Variants in NAV2 observed in about 807,000 individuals in gnomAD.
The protein encoded by NAV2 is neuron navigator 2.
A neutral mutation model predicts 223.2 loss-of-function variants in NAV2; 54 were observed. That is an observed-to-expected ratio of 0.24 (90% confidence interval 0.19 to 0.30). The LOEUF is 0.30. NAV2 is among the 10% of genes least tolerant of loss of function. The probability of loss-of-function intolerance (pLI) is 1.00; values close to 1 mark genes in which losing one functional copy is unlikely to be tolerated. For missense variants in NAV2, 2,806 were observed against 3,147.5 expected, an observed-to-expected ratio of 0.89 and a Z score of 2.60; for synonymous variants, 1,279 against 1,239.3, an observed-to-expected ratio of 1.03 and a Z score of -0.67.
At chr11:19,844,388 C>G (rs894556) in intron 3 of NAV2, among the ~76,000 whole-genome samples, 85,991 of 152,034 alleles carry the variant, frequency 0.57, 25,779 homozygotes, top group African/African-American at 0.77. Flanking sequence ...TGGTGCACCT[C>G]TATTCTAAGC....
intron 3 of NAV2, among the ~76,000 whole-genome samples, chr11:19,848,070 G>A (rs1423659898): frequency 6.6e-6 from 1 of 152,164 alleles, no homozygotes; most frequent in African/African-American, 2.4e-5. Context: ...GGGCTCCATA[G>A]ACTCCAGGTT....
intron 1 of NAV2, among the ~76,000 whole-genome samples, chr11:19,688,425 G>A (rs183720112): frequency 1.9e-4 from 29 of 152,274 alleles, no homozygotes; most frequent in East Asian, 7.7e-4. Flanking sequence ...AGACTATGCC[G>A]TGGTAACAGA....
chr11:19,895,104 C>CTTTTTTTTTTTTTTTTT (rs71050690), intron 6 of NAV2, among the ~76,000 whole-genome samples: 171 of 99,220 alleles, frequency 1.7e-3, no homozygotes, highest in Non-Finnish European at 2.4e-3. Context: ...CTTTTTCTTT[C>CTTTTTTTTTTTTTTTTT]TTTTTTTTTT....
intron 1 of NAV2, among the ~76,000 whole-genome samples, chr11:19,705,006 G>A (rs1471115092): frequency 1.0e-4 from 13 of 123,922 alleles, no homozygotes; most frequent in Non-Finnish European, 1.6e-4. Flanking sequence ...GTGAGACTCC[G>A]TCTCAAAAAA....
At chr11:19,662,691 T>C (rs752564460) in intron 1 of NAV2, among the ~76,000 whole-genome samples, 1 of 152,252 alleles carries the variant, frequency 6.6e-6, no homozygotes, top group African/African-American at 2.4e-5. Context: ...AAGATGAAGC[T>C]CTGCCCACTG....
chr11:19,386,037 T>C (rs1849031400), intron 1 of NAV2, among the ~76,000 whole-genome samples: 1 of 152,236 alleles, frequency 6.6e-6, no homozygotes, highest in African/African-American at 2.4e-5. Flanking sequence ...GTGCTGGGAT[T>C]ACAGGCGTGA....
intron 1 of NAV2, among the ~76,000 whole-genome samples, chr11:19,360,503 T>A (rs189387295): frequency 2.0e-5 from 3 of 152,242 alleles, no homozygotes; most frequent in Admixed American, 2.0e-4. Context: ...CCGACTGTTT[T>A]AACAAGTGTC....
At chr11:19,645,248 C>T (rs2135591992) in intron 1 of NAV2, among the ~76,000 whole-genome samples, 1 of 152,270 alleles carries the variant, frequency 6.6e-6, no homozygotes. Context: ...CCAGCAAAGG[C>T]CAGTTTGAGC....
chr11:19,544,640 C>A (rs75640449), intron 1 of NAV2, among the ~76,000 whole-genome samples: 4 of 152,280 alleles, frequency 2.6e-5, no homozygotes, highest in Admixed American at 6.5e-5. Context: ...GTGTACTGTG[C>A]AGCCTCTTCC....
At chr11:20,011,907 G>C (rs997281872) in intron 11 of NAV2, among the ~76,000 whole-genome samples, 2 of 152,176 alleles carry the variant, frequency 1.3e-5, no homozygotes, top group Admixed American at 1.3e-4. Flanking sequence ...ACCATTCTTG[G>C]ACCTAATGTA....
chr11:19,663,740 C>G (rs1319773564), intron 1 of NAV2, among the ~76,000 whole-genome samples: 2 of 152,226 alleles, frequency 1.3e-5, no homozygotes, highest in Non-Finnish European at 2.9e-5. Flanking sequence ...GTCTCCCCAG[C>G]CCTTTGCTTC....
chr11:20,115,929 C>T lies in NAV2; in HGVS notation c.7164+1134C>T, dbSNP rs2153727857. ...CCTTGTCTCAAACAAACAAAAGAAA[C>T]ACCCGGGCCAATAACAGTAGTATTT... On this transcript the variant is annotated intron_variant, in intron 37 of 37. Transcript: ENST00000349880. Among the ~76,000 whole-genome samples the T allele has an allele frequency of 2.0e-5, 3 of 152,204 alleles. No homozygotes were observed. In the East Asian group the frequency reaches 5.8e-4, roughly 29 times the overall value.
At chr11:19,603,542 G>T (rs547087446) in intron 1 of NAV2, among the ~76,000 whole-genome samples, 2 of 150,410 alleles carry the variant, frequency 1.3e-5, no homozygotes, top group Non-Finnish European at 2.9e-5. Context: ...CAGGAGGATC[G>T]CTTGGACCCG....
chr11:19,914,542 T>C (rs1351824246), intron 6 of NAV2, among the ~76,000 whole-genome samples: 1 of 129,084 alleles, frequency 7.7e-6, no homozygotes, highest in Non-Finnish European at 1.5e-5. Context: ...TTCCTGTTCT[T>C]TTTTTTTTTT....
At chr11:20,096,356 T>C (rs911192436) in intron 30 of NAV2, among the ~76,000 whole-genome samples, 5 of 152,216 alleles carry the variant, frequency 3.3e-5, no homozygotes, top group African/African-American at 1.2e-4. Flanking sequence ...AGGGTGAACC[T>C]TGAAACACAT....
At chr11:19,558,530 A>G (rs1473594275) in intron 1 of NAV2, among the ~76,000 whole-genome samples, 1 of 152,254 alleles carries the variant, frequency 6.6e-6, no homozygotes, top group Non-Finnish European at 1.5e-5. Context: ...CTAGGGGCTT[A>G]TGTACAGGGG....
Position 20,080,195 on chromosome 11 carries a change from A to G in NAV2, c.5311A>G (p.Lys1771Glu). Reference sequence around the variant, plus strand: ...CATAGAGAGTGACTCAAAGAAGAAGAAGCGGAAGAACTGGGTGAGTGCACA... The same window carrying G: ...CATAGAGAGTGACTCAAAGAAGAAGGAGCGGAAGAACTGGGTGAGTGCACA... ...SNIESDSKKK[K>E]RKNWLRSSFK... is the part of the protein sequence containing the mutation. The change falls in exon 25 of 38, where the codon AAG (lysine) becomes GAG (glutamate). Residue 1771 changes from lysine (K) to glutamate (E), a missense_variant. Physicochemically the swap from Lys to Glu is moderately conservative, Grantham distance 56. This residue lies in a region of NAV2 where 824 missense variants were observed against 1,069.4 expected (regional missense o/e 0.77). Transcript: ENST00000349880. The G allele has an allele frequency of 6.2e-7, 1 of 1,601,390 alleles. No individual in the cohort carries two copies. The highest frequency in any genetic ancestry group is 8.5e-7 in the Non-Finnish European group (1 of 1,170,228).
intron 1 of NAV2, among the ~76,000 whole-genome samples, chr11:19,388,068 A>G (rs1282120098): frequency 6.6e-6 from 1 of 152,250 alleles, no homozygotes; most frequent in Admixed American, 6.5e-5. Flanking sequence ...ACATGCTATG[A>G]TAATCATAGA....
chr11:19,667,357 T>C (rs1026421145), intron 1 of NAV2, among the ~76,000 whole-genome samples: 4 of 152,152 alleles, frequency 2.6e-5, no homozygotes, highest in Non-Finnish European at 4.4e-5. Context: ...AAGACAGACG[T>C]GGACAAATAA....
Sources: allele counts gnomAD v4.1 joint callset (sites outside exome capture counted in the v4.1 genomes callset), GRCh38; gene constraint gnomAD v4.1.1; regional missense constraint gnomAD v4.1.1; transcripts MANE v1.5; gene names NCBI Gene and HGNC (gene_info 2026-07-23, HGNC 2026-07-21).